MATCAP1: variants seen among roughly 807,000 people sequenced by gnomAD.
MATCAP1 encodes the protein microtubule associated tyrosine carboxypeptidase 1.
At chr16:67,180,031 C>T in the MATCAP1 span, 2 of 1,613,154 alleles carry the variant, frequency 1.2e-6, no homozygotes, top group Non-Finnish European at 1.7e-6. Context: ...GGTGGGGAGG[C>T]TGGACTGACC....
the MATCAP1 span, chr16:67,176,072 TG>T: frequency 2.5e-5 from 3 of 119,460 alleles, no homozygotes; most frequent in Non-Finnish European, 3.5e-5. This position sits in a 1 kb window ranked among gnomAD's most constrained non-coding sequence, Gnocchi z 4.3. Context: ...TGTGTGTGTG[TG>T]TGTGTGTGTG....
chr16:67,178,608 C>G, the MATCAP1 span: 1 of 994,770 alleles, frequency 1.0e-6, no homozygotes, highest in Non-Finnish European at 1.5e-6. Context: ...CTGGCCGCGA[C>G]ACTTCCATCC....
the MATCAP1 span, chr16:67,178,121 A>G: frequency 6.2e-7 from 1 of 1,606,994 alleles, no homozygotes; most frequent in Non-Finnish European, 8.5e-7. Flanking sequence ...GGAGGGCAGG[A>G]GGGCGGTGAG....
chr16:67,178,658 G>GC, the MATCAP1 span: 1 of 754,978 alleles, frequency 1.3e-6, no homozygotes, highest in South Asian at 1.5e-5. Flanking sequence ...GGCTCTCCCA[G>GC]CCCCAGGCAG....
At chr16:67,176,482 G>T in the MATCAP1 span, 1 of 235,042 alleles carries the variant, frequency 4.3e-6, no homozygotes, top group Admixed American at 5.7e-5. This position sits in a 1 kb window ranked among gnomAD's most constrained non-coding sequence, Gnocchi z 4.3. Context: ...TCTCATGCAA[G>T]AACAAGTTTC....
the MATCAP1 span, chr16:67,178,523 G>C: frequency 6.6e-7 from 1 of 1,518,988 alleles, no homozygotes; most frequent in Non-Finnish European, 8.8e-7. Flanking sequence ...AAGGCGAGGG[G>C]AGGCGGCGCT....
chr16:67,178,532 C>A, the MATCAP1 span: 2 of 1,513,036 alleles, frequency 1.3e-6, no homozygotes, highest in South Asian at 2.5e-5. Flanking sequence ...GGAGGCGGCG[C>A]TGGGCGGGGC....
chr16:67,178,547 G>C, the MATCAP1 span: 3 of 1,484,760 alleles, frequency 2.0e-6, no homozygotes, highest in Non-Finnish European at 2.7e-6. Context: ...CGGGGCGTTC[G>C]GGGACCCGCC....
chr16:67,178,503 G>A, the MATCAP1 span: 3 of 1,524,586 alleles, frequency 2.0e-6, no homozygotes, highest in Non-Finnish European at 2.6e-6. Flanking sequence ...GGTAGTGGGT[G>A]CCTGCGGGGA....
At chr16:67,178,365 C>CA in the MATCAP1 span, 1 of 1,564,762 alleles carries the variant, frequency 6.4e-7, no homozygotes, top group Non-Finnish European at 8.6e-7. Context: ...ACAGGAACGG[C>CA]TGCTTGCGGA....
the MATCAP1 span, chr16:67,178,979 C>T: frequency 2.1e-6 from 1 of 466,704 alleles, no homozygotes; most frequent in Middle Eastern, 3.6e-4. Context: ...TAGTGCCCTG[C>T]ACCCCCCTGC....
chr16:67,177,851 CAG>C, the MATCAP1 span, among the ~76,000 whole-genome samples: 2 of 152,212 alleles, frequency 1.3e-5, no homozygotes, highest in Non-Finnish European at 2.9e-5. Context: ...GTTTTGCTGC[CAG>C]AGTCATTTCA....
chr16:67,181,627 C>T, the MATCAP1 span: 3 of 152,266 alleles, frequency 2.0e-5, no homozygotes, highest in Non-Finnish European at 4.4e-5. Context: ...CTCCTCTCTC[C>T]TACATCATCA....
At chr16:67,183,156 G>C in the MATCAP1 span, 1 of 152,038 alleles carries the variant, frequency 6.6e-6, no homozygotes, top group South Asian at 2.1e-4. Context: ...CAGGTCCCAG[G>C]CTTCACTCCC....
chr16:67,178,493 G>A, the MATCAP1 span: 257 of 1,527,548 alleles, frequency 1.7e-4, 1 homozygote, highest in South Asian at 2.8e-3. Context: ...ACGCCCCGCA[G>A]GTAGTGGGTG....
the MATCAP1 span, chr16:67,180,360 T>G: frequency 1.2e-6 from 2 of 1,612,524 alleles, no homozygotes; most frequent in South Asian, 2.2e-5. Flanking sequence ...ATTTACAGAG[T>G]AGGTGCTCTC....
chr16:67,180,095 C>T, the MATCAP1 span: 32 of 1,614,112 alleles, frequency 2.0e-5, no homozygotes, highest in Non-Finnish European at 2.6e-5. Context: ...CAGCCGTGGG[C>T]ATGGGCTCCT....
At chr16:67,177,784 C>T in the MATCAP1 span, among the ~76,000 whole-genome samples, 5 of 152,222 alleles carry the variant, frequency 3.3e-5, no homozygotes, top group Non-Finnish European at 7.3e-5. Flanking sequence ...GCCTGGAATG[C>T]TCATCTCCTT....
the MATCAP1 span, chr16:67,176,902 T>C: frequency 1.2e-6 from 2 of 1,609,532 alleles, no homozygotes; most frequent in Non-Finnish European, 1.7e-6. The surrounding 1 kb of genome is among the most constrained non-coding windows in gnomAD (Gnocchi z 4.3). Flanking sequence ...TGCCAAGTCC[T>C]GCATGAAGTG....
Sources: gnomAD v4.1 joint callset for allele counts (sites outside exome capture counted in the v4.1 genomes callset) on GRCh38, gnomAD v4.1.1 for gene constraint, Gnocchi (gnomAD v3.1) non-coding constraint, MANE v1.5 for transcripts, NCBI Gene and HGNC (gene_info 2026-07-23, HGNC 2026-07-21) for gene names.